Variants in MYBL2 observed in about 807,000 individuals in gnomAD.
The protein encoded by MYBL2 is MYB proto-oncogene like 2.
In MYBL2, 28 loss-of-function variants were observed where a neutral mutation model predicts 79.9. The ratio of observed to expected loss-of-function variants is 0.35; its 90% confidence interval spans 0.26 to 0.48. The LOEUF (loss-of-function observed/expected upper bound fraction) is 0.48. MYBL2 is among the 20% of genes least tolerant of loss of function. The pLI, the probability that MYBL2 is intolerant of heterozygous loss-of-function variation, is 0.99. For missense variants in MYBL2, 735 were observed against 893.9 expected (o/e 0.82, Z 2.27); for synonymous variants, 378 against 361.2 (o/e 1.05, Z -0.53).
At chr20:43,703,534 T>A (rs1035284282) in intron 8 of MYBL2, among the ~76,000 whole-genome samples, 1 of 152,030 alleles carries the variant, frequency 6.6e-6, no homozygotes, top group Non-Finnish European at 1.5e-5. Flanking sequence ...CAGAGAGGTG[T>A]CTGGGCTGGG....
chr20:43,700,749 G>A (rs376491698), intron 7 of MYBL2, among the ~76,000 whole-genome samples: 4 of 152,132 alleles, frequency 2.6e-5, no homozygotes, highest in East Asian at 1.9e-4. Flanking sequence ...TACAGTCTGC[G>A]TGGTATCCTG....
chr20:43,687,427 A>C (rs1446838123), intron 5 of MYBL2, among the ~76,000 whole-genome samples: 2 of 152,232 alleles, frequency 1.3e-5, no homozygotes, highest in Non-Finnish European at 2.9e-5. Flanking sequence ...GATGTGGGAT[A>C]GATGGGCTTT....
In MYBL2 at chr20:43,689,497, A is replaced by G. The variant is rs187438380; in HGVS notation, c.500+2425A>G. ...GTCCCTCGAACCCTGAGCTCTTCTCAGAGCTCCTAGTGCTCCTCTGTCGGC... is the reference window on the plus strand; with the variant it reads ...GTCCCTCGAACCCTGAGCTCTTCTCGGAGCTCCTAGTGCTCCTCTGTCGGC... On this transcript the variant is annotated intron_variant, in intron 5 of 13. Transcript: ENST00000217026. Among the ~76,000 whole-genome samples the G allele has an allele frequency of 2.2e-3, 341 of 152,216 alleles. 2 individuals carry two copies. The highest frequency in any genetic ancestry group is 3.1e-3 in the Non-Finnish European group (211 of 68,012).
intron 7 of MYBL2, among the ~76,000 whole-genome samples, chr20:43,700,667 G>A (rs970336355): frequency 6.6e-6 from 1 of 152,088 alleles, no homozygotes; most frequent in Admixed American, 6.6e-5. Flanking sequence ...TCAGTATGGG[G>A]GTCCGTGTTC....
At chr20:43,691,308 T>A (rs6017144) in intron 5 of MYBL2, among the ~76,000 whole-genome samples, 6,158 of 152,180 alleles carry the variant, frequency 0.04, 370 homozygotes, top group African/African-American at 0.13. Context: ...TTAAAAAATT[T>A]AAAATTTTTT....
At chr20:43,710,208 TG>T in intron 10 of MYBL2, 146 bp downstream of exon 10, 1 of 672,988 alleles carries the variant, frequency 1.5e-6, no homozygotes. Flanking sequence ...ATAATATAAA[TG>T]GGGAAGCTGA....
chr20:43,670,639 A>G (rs60588274), intron 1 of MYBL2, among the ~76,000 whole-genome samples: 1,719 of 152,292 alleles, frequency 0.011, 31 homozygotes, highest in African/African-American at 0.04. Context: ...GGAGACAGGC[A>G]GTTGCAGTGT....
Position 43,699,904 on chromosome 20 carries a change from G to C in MYBL2, c.811G>C (p.Glu271Gln), listed in dbSNP as rs763215724. Residue 271 changes from glutamate to glutamine, a missense_variant, in exon 7 of 14, where the codon GAG becomes CAG. Physicochemically the swap from Glu to Gln is conservative, Grantham distance 29. Around this residue, in one of 5 missense-constraint regions of MYBL2, gnomAD observed 144 missense variants for 131.9 expected, o/e 1.09. Transcript: ENST00000217026. ...LDAVRTPEPL[E>Q]EFPKREDQEG... ...CGCAGTGCGAACACCAGAGCCCTTGGAGGAATTCCCGAAGCGTGAGGACCA... is the reference window on the plus strand; with the variant it reads ...CGCAGTGCGAACACCAGAGCCCTTGCAGGAATTCCCGAAGCGTGAGGACCA... 6.2e-7 allele frequency: 1 copy of C among 1,614,114 alleles called. No homozygotes were observed. The highest frequency in any genetic ancestry group is 8.5e-7 in the Non-Finnish European group (1 of 1,180,014).
At chr20:43,700,792 C>T (rs1025242741) in intron 7 of MYBL2, among the ~76,000 whole-genome samples, 5 of 152,080 alleles carry the variant, frequency 3.3e-5, no homozygotes, top group East Asian at 3.8e-4. Flanking sequence ...TTAGGTGAAA[C>T]TGAGGCTCAG....
At chr20:43,703,912 C>T (rs1398577733) in intron 8 of MYBL2, among the ~76,000 whole-genome samples, 1 of 152,172 alleles carries the variant, frequency 6.6e-6, no homozygotes, top group East Asian at 1.9e-4. Flanking sequence ...TGTGTCTTCA[C>T]GTGGTCACCT....
chr20:43,671,375 C>G (rs1467424875), intron 1 of MYBL2, among the ~76,000 whole-genome samples: 1 of 151,306 alleles, frequency 6.6e-6, no homozygotes, highest in African/African-American at 2.4e-5. Flanking sequence ...CCAGGCTGGT[C>G]TCGAACTCCT....
chr20:43,672,427 C>A (rs1320631905), intron 1 of MYBL2, among the ~76,000 whole-genome samples: 12 of 144,978 alleles, frequency 8.3e-5, no homozygotes, highest in Non-Finnish European at 1.1e-4. Flanking sequence ...CCTGTCATTA[C>A]AAAAAAAAAA....
intron 11 of MYBL2, 143 bp downstream of exon 11, chr20:43,711,744 T>A: frequency 1.4e-6 from 1 of 694,954 alleles, no homozygotes; most frequent in Non-Finnish European, 2.4e-6. Context: ...TTTCGCACGG[T>A]GGTTGTTGAG....
At position 43,667,274 on chromosome 20, in the gene MYBL2, G is replaced by C. The variant is rs1435458894; in HGVS notation, c.-10G>C. 8.2e-7 allele frequency: 1 copy of C among 1,225,728 alleles called. No individual in the cohort carries two copies. Among genetic ancestry groups the C allele is most frequent in the Non-Finnish European group, 1.0e-6 (1 of 983,858 alleles). The allele number at this position is 1,225,728 out of a possible 1,614,324, so 75.9% of individuals were successfully genotyped here. A position where few individuals can be genotyped will look rare whatever the true frequency, so the allele number is the denominator to read the frequency against. ...GGGCGGGCGAGCGCGGCGCGGTCCG[G>C]GCCGGGGGGATGTCTCGGCGGACGC... On this transcript the variant is annotated 5_prime_UTR_variant, in exon 1 of 14. Coordinates refer to ENST00000217026, the MANE Select transcript of MYBL2 (RefSeq NM_002466.4).
In MYBL2 at chr20:43,681,162, A is replaced by G. The variant is rs185116706; in HGVS notation, c.115-622A>G. Among the ~76,000 whole-genome samples the G allele has an allele frequency of 1.8e-4, 28 of 152,190 alleles. No homozygotes were observed. In the East Asian group the frequency reaches 3.9e-3, roughly 21 times the overall value. On this transcript the variant is annotated intron_variant, in intron 2 of 13. Coordinates refer to ENST00000217026, the MANE Select transcript of MYBL2 (RefSeq NM_002466.4). The stretch of plus-strand genomic sequence containing the variant: ...TTTGATAGATACTAGCCTGTCTTCT[A>G]ACTACTCTTGTTTTTGCCCAGACCT...
At chr20:43,713,344 G>A (rs1363767532) in intron 12 of MYBL2, among the ~76,000 whole-genome samples, 1 of 151,788 alleles carries the variant, frequency 6.6e-6, no homozygotes, top group African/African-American at 2.4e-5. Flanking sequence ...ATGCATCTGG[G>A]TCTCCTGCGC....
intron 1 of MYBL2, among the ~76,000 whole-genome samples, chr20:43,667,544 A>T (rs1472313687): frequency 1.3e-5 from 2 of 151,824 alleles, no homozygotes; most frequent in South Asian, 2.1e-4. Flanking sequence ...CGGAGCTGGG[A>T]CGGGCGGGTC....
chr20:43,697,151 T>G (rs1246100732), intron 6 of MYBL2, among the ~76,000 whole-genome samples: 4 of 152,222 alleles, frequency 2.6e-5, no homozygotes, highest in African/African-American at 9.6e-5. Flanking sequence ...TATATAGGAC[T>G]GCTTGTTTCC....
chr20:43,672,450 C>T (rs1024861295), intron 1 of MYBL2, among the ~76,000 whole-genome samples: 11 of 151,092 alleles, frequency 7.3e-5, no homozygotes, highest in Admixed American at 2.0e-4. Flanking sequence ...AATCAACACA[C>T]GAAAAAACAA....
Sources: allele counts gnomAD v4.1 joint callset (sites outside exome capture counted in the v4.1 genomes callset), GRCh38; gene constraint gnomAD v4.1.1; regional missense constraint gnomAD v4.1.1; transcripts MANE v1.5; gene names NCBI Gene and HGNC (gene_info 2026-07-23, HGNC 2026-07-21).